NOC4L: variants seen among roughly 807,000 people sequenced by gnomAD.
NOC4L encodes nucleolar complex protein 4 homolog.
Under a neutral mutation model 62.8 loss-of-function variants are expected in NOC4L, and 40 were observed. The observed-to-expected ratio is 0.64, with a 90% CI of 0.49 to 0.83. The LOEUF is 0.83. NOC4L is among the 40% of genes least tolerant of loss of function. NOC4L has a pLI of 0.00. For synonymous variants in NOC4L, 433 were observed against 299.8 expected, an observed-to-expected ratio of 1.44 and a Z score of -4.59; for missense variants, 927 against 701.9, an observed-to-expected ratio of 1.32 and a Z score of -3.62.
rs1897756520 is a variant in NOC4L, at chr12:132,147,239, G to T, written c.346-42G>T. ...GGGCTGAGCTCTGGGCCCATCCGTG[G>T]GGTGAGGGCATCACAGCCACCCTGC... On this transcript the variant is annotated intron_variant, in intron 3 of 14. Transcript: ENST00000330579. The T allele has an allele frequency of 3.6e-6, 5 of 1,391,640 alleles. No homozygotes were observed. In the African/African-American group the frequency reaches 4.4e-5, roughly 12 times the overall value. The allele number at this position is 1,391,640 out of a possible 1,614,324, so 86.2% of individuals were successfully genotyped here. A position where few individuals can be genotyped will look rare whatever the true frequency, so the allele number is the denominator to read the frequency against.
rs761309796 is a variant in NOC4L at position 132,147,941 on chromosome 12, G to T, written c.665G>T (p.Arg222Leu). 1.7e-5 allele frequency: 28 copies of T among 1,607,760 alleles called. No individual in the cohort carries two copies. The East Asian group carries it at 6.1e-4, about 35-fold the overall frequency. ...CTGTCTGCCGTGAGCCTGCCCCGCC[G>T]GGAGCCCACCGTCTCCAGCTTCTAT... ...TLLSAVSLPRREPTVSSFYVK... is the reference protein window; with the variant it reads ...TLLSAVSLPRLEPTVSSFYVK... Residue 222 changes from arginine (R) to leucine (L), a missense_variant, in exon 6 of 15, where the codon CGG becomes CTG. Coordinates refer to ENST00000330579, the MANE Select transcript of NOC4L (RefSeq NM_024078.3).
At chr12:132,145,826 C>T (rs184493944) in intron 3 of NOC4L, among the ~76,000 whole-genome samples, 161 bp downstream of exon 3, 1 of 152,334 alleles carries the variant, frequency 6.6e-6, no homozygotes, top group East Asian at 1.9e-4. Context: ...AGAAACATGG[C>T]TATCGAGTCC....
chr12:132,148,253 G>A (rs1460139896), intron 7 of NOC4L, 147 bp downstream of exon 7: 9 of 836,504 alleles, frequency 1.1e-5, no homozygotes, highest in Admixed American at 4.8e-5. Context: ...CAGGTCACTC[G>A]AAGTGTGGGA....
chr12:132,148,747 A>T, intron 8 of NOC4L, 37 bp from the exon 9 acceptor site: 1 of 94,710 alleles, frequency 1.1e-5, no homozygotes, highest in Non-Finnish European at 1.5e-5. Flanking sequence ...GCCCCCGCCC[A>T]CCCGCCCCTC....
At chr12:132,147,561 C>CA in intron 4 of NOC4L, 72 bp from the exon 5 acceptor site, 4 of 1,566,752 alleles carry the variant, frequency 2.6e-6, no homozygotes, top group Non-Finnish European at 3.5e-6. Flanking sequence ...CTCGATGGGG[C>CA]AGGGCTGCCT....
At chr12:132,145,302 G>A (rs927642767) in intron 2 of NOC4L, among the ~76,000 whole-genome samples, 1 of 152,260 alleles carries the variant, frequency 6.6e-6, no homozygotes, top group African/African-American at 2.4e-5. Flanking sequence ...AGGTCTTGGA[G>A]TAAAGAGAGG....
At chr12:132,148,434 C>T (rs1279356632) in intron 7 of NOC4L, among the ~76,000 whole-genome samples, 175 bp from the exon 8 acceptor site, 3 of 152,190 alleles carry the variant, frequency 2.0e-5, no homozygotes, top group African/African-American at 7.2e-5. Context: ...GAGACTCCAG[C>T]CTCGAGGGCA....
chr12:132,151,485 C>T lies in NOC4L; in HGVS notation c.1075C>T (p.His359Tyr). 3 of 1,601,762 alleles carry T rather than the reference C, an allele frequency of 1.9e-6. No individual in the cohort carries two copies. The highest frequency in any genetic ancestry group is 2.5e-6 in the Non-Finnish European group (3 of 1,179,074). ...TCTCACAACCACTGCCCTGCCCAGC[C>T]ACCTCCCCGCCTACCTGGTGGCCGC... ...HLADLFLSSS[H>Y]LPAYLVAAFA... Residue 359 changes from histidine (H) to tyrosine (Y), a missense_variant and splice_region_variant, in exon 12 of 15, where the codon CAC becomes TAC. By Grantham distance (83) the His-to-Tyr change is moderately conservative. Coordinates refer to ENST00000330579, the MANE Select transcript of NOC4L (RefSeq NM_024078.3).
rs79736234 is a variant in NOC4L at position 132,148,913 on chromosome 12, G to C, written c.901+18G>C. The C allele has an allele frequency of 1.2e-4, 45 of 381,628 alleles. No individual in the cohort carries two copies. The highest frequency in any genetic ancestry group is 3.5e-4 in the South Asian group (10 of 28,486). The allele number at this position is 381,628 out of a possible 1,614,324, so 23.6% of individuals were successfully genotyped here. A position where few individuals can be genotyped will look rare whatever the true frequency, so the allele number is the denominator to read the frequency against. ...CGACCTCGGTGAGTGCCGCCGCCTCGCTCACACCACACCCCTAATCCCCTC... is the reference window on the plus strand; with the variant it reads ...CGACCTCGGTGAGTGCCGCCGCCTCCCTCACACCACACCCCTAATCCCCTC... On this transcript the variant is annotated intron_variant, in intron 9 of 14. Transcript: ENST00000330579.
chr12:132,146,057 G>A (rs1897707378), intron 3 of NOC4L, among the ~76,000 whole-genome samples: 1 of 152,220 alleles, frequency 6.6e-6, no homozygotes, highest in African/African-American at 2.4e-5. Flanking sequence ...AAGCTGAGAA[G>A]TTAGCATCTG....
At chr12:132,150,915 G>A in intron 9 of NOC4L, 66 bp from the exon 10 acceptor site, 1 of 1,201,804 alleles carries the variant, frequency 8.3e-7, no homozygotes, top group Non-Finnish European at 1.2e-6. Context: ...CTTACACTCA[G>A]TGTGGGCAGG....
Position 132,151,035 on chromosome 12 carries a change from A to G in NOC4L, c.956A>G (p.His319Arg), listed in dbSNP as rs749103012. Residue 319 changes from histidine (H) to arginine (R), a missense_variant, in exon 10 of 15, where the codon CAC (histidine) becomes CGC (arginine). Coordinates refer to ENST00000330579, the MANE Select transcript of NOC4L (RefSeq NM_024078.3). ...GGGCTGTTCATCTTGATTCACAAAC[A>G]CAACCTGTGAGTGTCACCAGGGGTG... is the stretch of plus-strand genomic sequence containing the variant. ...LNGLFILIHKHNLEYPDFYRK... is the reference protein window; with the variant it reads ...LNGLFILIHKRNLEYPDFYRK... The G allele has an allele frequency of 7.4e-6, 12 of 1,610,838 alleles. No individual in the cohort carries two copies. Among genetic ancestry groups the G allele is most frequent in the Non-Finnish European group, 7.6e-6 (9 of 1,178,852 alleles).
chr12:132,147,180 A>C, intron 3 of NOC4L, 101 bp from the exon 4 acceptor site: 1 of 882,636 alleles, frequency 1.1e-6, no homozygotes, highest in Admixed American at 3.6e-5. Context: ...CCCTTTTCTC[A>C]GCTCTGGGCC....
chr12:132,152,382 A>G lies in NOC4L; in HGVS notation c.1532A>G (p.Gln511Arg), dbSNP rs1300506798. Residue 511 changes from glutamine (Q) to arginine (R), a missense_variant, in exon 15 of 15, where the codon CAG becomes CGG. Coordinates refer to ENST00000330579, the MANE Select transcript of NOC4L (RefSeq NM_024078.3). The stretch of plus-strand genomic sequence containing the variant: ...GGACGGCCGGGTGAACTCTGTGCCC[A>G]GCACTTCACGCTCAGCTGACCCTGG... ...LLGRPGELCAQHFTLS is the reference protein window; with the variant it reads ...LLGRPGELCARHFTLS 3 of 1,580,448 alleles carry G rather than the reference A, an allele frequency of 1.9e-6. No homozygotes were observed. The highest frequency in any genetic ancestry group is 1.3e-5 in the African/African-American group (1 of 74,098).
At position 132,151,049 on chromosome 12, in the gene NOC4L, T is replaced by A. The variant is rs771458524; in HGVS notation, c.962+8T>A. Reference sequence around the variant, plus strand: ...GATTCACAAACACAACCTGTGAGTGTCACCAGGGGTGCAGGTCTTCTTCCC... The same window carrying A: ...GATTCACAAACACAACCTGTGAGTGACACCAGGGGTGCAGGTCTTCTTCCC... On this transcript the variant is annotated splice_region_variant and intron_variant, in intron 10 of 14. Transcript: ENST00000330579. The A allele has an allele frequency of 6.2e-7, 1 of 1,608,574 alleles. No homozygotes were observed. The highest frequency in any genetic ancestry group is 1.1e-5 in the South Asian group (1 of 90,462).
chr12:132,152,293 G>T lies in NOC4L; in HGVS notation c.1443G>T (p.Arg481=), dbSNP rs2136698324. 1 of 1,563,844 alleles carries T rather than the reference G, an allele frequency of 6.4e-7. No individual in the cohort carries two copies. Among genetic ancestry groups the T allele is most frequent in the South Asian group, 1.2e-5 (1 of 85,834 alleles). The change falls in exon 15 of 15, where the codon CGG becomes CGT. Residue 481 remains arginine, a synonymous_variant. Coordinates refer to ENST00000330579, the MANE Select transcript of NOC4L (RefSeq NM_024078.3). ...LELTAYEIFE[R]DLKKKGPEPV... is the part of the protein sequence containing the mutation. ...TTTGTGCTTTGCAGATCTTTGAGCG[G>T]GACCTGAAGAAGAAGGGGCCCGAGC...
chr12:132,151,781 C>T lies in NOC4L; in HGVS notation c.1278C>T (p.Ala426=), dbSNP rs1872974569. 2 of 1,612,188 alleles carry T rather than the reference C, an allele frequency of 1.2e-6. No homozygotes were observed. Among genetic ancestry groups the T allele is most frequent in the South Asian group, 2.2e-5 (2 of 91,084 alleles). ...DPYDPGEEDP[A]QSRALESSLW... ...ACGACCCTGGAGAGGAGGACCCAGC[C>T]CAGAGCCGGGCCTTGGAGAGCTCCC... is the stretch of plus-strand genomic sequence containing the variant. The change falls in exon 13 of 15, where the codon GCC becomes GCT. Residue 426 remains alanine, a synonymous_variant. Coordinates refer to ENST00000330579, the MANE Select transcript of NOC4L (RefSeq NM_024078.3).
intron 7 of NOC4L, 125 bp downstream of exon 7, chr12:132,148,231 T>G (rs936820316): frequency 1.0e-6 from 1 of 962,850 alleles, no homozygotes; most frequent in Non-Finnish European, 1.6e-6. Flanking sequence ...AGGTGGCAGC[T>G]TGCACGGCCA....
Position 132,151,480 on chromosome 12 carries a change from C to T in NOC4L, c.1074-4C>T, listed in dbSNP as rs367572515. ...CCCTGTCTCACAACCACTGCCCTGC[C>T]CAGCCACCTCCCCGCCTACCTGGTG... On this transcript the variant is annotated splice_region_variant and splice_polypyrimidine_tract_variant and intron_variant, in intron 11 of 14. Coordinates refer to ENST00000330579, the MANE Select transcript of NOC4L (RefSeq NM_024078.3). 6.3e-5 allele frequency: 101 copies of T among 1,601,066 alleles called. No individual in the cohort carries two copies. The highest frequency in any genetic ancestry group is 8.2e-5 in the Non-Finnish European group (97 of 1,179,028).
Sources: allele counts gnomAD v4.1 joint callset (sites outside exome capture counted in the v4.1 genomes callset), GRCh38; gene constraint gnomAD v4.1.1; transcripts MANE v1.5; gene names NCBI Gene and HGNC (gene_info 2026-07-23, HGNC 2026-07-21).